NR2F1-AS1: variants seen among roughly 807,000 people sequenced by gnomAD.
The protein encoded by NR2F1-AS1 is NR2F1 antisense RNA 1.
chr5:93,581,247 G>T, upstream of NR2F1-AS1: 1 of 152,600 alleles, frequency 6.6e-6, no homozygotes, highest in South Asian at 1.9e-4. Flanking sequence ...CGAGTCGAGG[G>T]GCGGGCGGGC....
intron 4 of NR2F1-AS1, among the ~76,000 whole-genome samples, chr5:93,485,813 C>T (rs572792633): frequency 0.013 from 1,977 of 149,712 alleles, 40 homozygotes; most frequent in African/African-American, 0.046. Context: ...CACATGCACA[C>T]GTATGTTTAT....
intron 1 of NR2F1-AS1, among the ~76,000 whole-genome samples, chr5:93,573,834 G>A (rs577340782): frequency 6.6e-6 from 1 of 152,308 alleles, no homozygotes; most frequent in South Asian, 2.1e-4. Flanking sequence ...GGGCAGGAGA[G>A]AATGTGCAAG....
At chr5:93,481,034 A>G (rs1302021514) in intron 4 of NR2F1-AS1, among the ~76,000 whole-genome samples, 1 of 152,086 alleles carries the variant, frequency 6.6e-6, no homozygotes, top group Non-Finnish European at 1.5e-5. Context: ...TTGGCACTAT[A>G]AGCGTAAATG....
intron 4 of NR2F1-AS1, among the ~76,000 whole-genome samples, chr5:93,415,230 C>T (rs534932800): frequency 6.6e-6 from 1 of 152,268 alleles, no homozygotes; most frequent in East Asian, 1.9e-4. Context: ...AACTTAAACT[C>T]TATATTCTTT....
intron 4 of NR2F1-AS1, among the ~76,000 whole-genome samples, chr5:93,530,902 T>G (rs1277726618): frequency 1.3e-5 from 2 of 151,894 alleles, no homozygotes; most frequent in Non-Finnish European, 2.9e-5. Context: ...TAATTTTTTT[T>G]GAAAAAAAAT....
chr5:93,504,651 A>G (rs545932552), intron 4 of NR2F1-AS1, among the ~76,000 whole-genome samples: 86 of 152,248 alleles, frequency 5.6e-4, no homozygotes, highest in African/African-American at 1.8e-3. Context: ...CACTTCTTAC[A>G]TGGCAGCAGC....
At chr5:93,562,149 G>A (rs1752503040) in intron 2 of NR2F1-AS1, among the ~76,000 whole-genome samples, 1 of 121,042 alleles carries the variant, frequency 8.3e-6, no homozygotes, top group Admixed American at 9.2e-5. Context: ...GGAGTATAAG[G>A]CCAGCCTGGG....
chr5:93,578,476 G>C (rs932328738), intron 1 of NR2F1-AS1, among the ~76,000 whole-genome samples: 1 of 151,966 alleles, frequency 6.6e-6, no homozygotes, highest in African/African-American at 2.4e-5. Flanking sequence ...AGGAAGGGAG[G>C]CTCCCGGGAG....
intron 4 of NR2F1-AS1, among the ~76,000 whole-genome samples, chr5:93,482,925 T>A (rs1750632899): frequency 1.3e-5 from 2 of 152,150 alleles, no homozygotes; most frequent in Admixed American, 6.5e-5. Context: ...GGGCAGGGCA[T>A]CTCTGAAAGA....
chr5:93,516,030 A>G (rs1398110087), intron 4 of NR2F1-AS1, among the ~76,000 whole-genome samples: 1 of 151,932 alleles, frequency 6.6e-6, no homozygotes, highest in East Asian at 1.9e-4. Context: ...ATTGGAGCAA[A>G]GACAATTTGT....
intron 4 of NR2F1-AS1, among the ~76,000 whole-genome samples, chr5:93,476,797 T>TGA (rs1750495083): frequency 6.6e-6 from 1 of 152,094 alleles, no homozygotes; most frequent in African/African-American, 2.4e-5. Context: ...TCCTAACTCT[T>TGA]AGTTCATTAA....
chr5:93,437,790 TTATA>T (rs1291906030), intron 4 of NR2F1-AS1, among the ~76,000 whole-genome samples: 1 of 152,212 alleles, frequency 6.6e-6, no homozygotes, highest in Non-Finnish European at 1.5e-5. Context: ...TAGCCAAAGT[TTATA>T]TATTTTATTG....
At chr5:93,469,809 C>T (rs1289092219) in intron 4 of NR2F1-AS1, among the ~76,000 whole-genome samples, 1 of 151,932 alleles carries the variant, frequency 6.6e-6, no homozygotes, top group Non-Finnish European at 1.5e-5. Flanking sequence ...GTTCTAAGAC[C>T]GAAGGCTGTT....
chr5:93,578,047 A>G (rs1477082446), intron 1 of NR2F1-AS1, among the ~76,000 whole-genome samples: 2 of 152,188 alleles, frequency 1.3e-5, no homozygotes, highest in South Asian at 2.1e-4. Flanking sequence ...GGAGACCAAG[A>G]TATCAATATC....
chr5:93,549,034 A>G (rs1370311852), intron 4 of NR2F1-AS1, among the ~76,000 whole-genome samples: 1 of 152,226 alleles, frequency 6.6e-6, no homozygotes, highest in Non-Finnish European at 1.5e-5. Context: ...GATTATATAT[A>G]TAATTCATTG....
At chr5:93,482,245 G>A (rs897441007) in intron 4 of NR2F1-AS1, among the ~76,000 whole-genome samples, 1 of 152,118 alleles carries the variant, frequency 6.6e-6, no homozygotes, top group African/African-American at 2.4e-5. Context: ...TTTCAACTGA[G>A]GTACCTGACT....
upstream of NR2F1-AS1, chr5:93,583,320 C>T (rs1561522217): frequency 1.3e-5 from 2 of 151,146 alleles, no homozygotes; most frequent in Admixed American, 6.6e-5. Flanking sequence ...CTCTCTCTCT[C>T]TCTCCTCTCT....
chr5:93,483,134 C>A (rs1359059892), intron 4 of NR2F1-AS1, among the ~76,000 whole-genome samples: 2 of 151,820 alleles, frequency 1.3e-5, no homozygotes, highest in Non-Finnish European at 2.9e-5. Flanking sequence ...TGGTCCCTGA[C>A]CCCCATGCCT....
At chr5:93,580,263 G>C (rs1307599659) in intron 1 of NR2F1-AS1, among the ~76,000 whole-genome samples, 5 of 152,366 alleles carry the variant, frequency 3.3e-5, no homozygotes, top group African/African-American at 1.2e-4. Flanking sequence ...CGGCGGCCGC[G>C]ATCCTCGCCT....
Sources: allele counts gnomAD v4.1 joint callset (sites outside exome capture counted in the v4.1 genomes callset), GRCh38; gene constraint gnomAD v4.1.1; transcripts MANE v1.5; gene names NCBI Gene and HGNC (gene_info 2026-07-23, HGNC 2026-07-21).